HSD17B12: variants seen among roughly 807,000 people sequenced by gnomAD.
HSD17B12 encodes hydroxysteroid 17-beta dehydrogenase 12, also known as very-long-chain 3-oxoacyl-CoA reductase.
HSD17B12 carries 32 observed loss-of-function variants against 39.3 expected under a neutral mutation model. The observed-to-expected ratio is 0.81, with a 90% CI of 0.61 to 1.09. The LOEUF is 1.09. Among genes scored for constraint, HSD17B12 ranks in the 50% least tolerant of loss-of-function variants. The pLI is 0.00. For missense variants in HSD17B12, 342 were observed against 382.9 expected (o/e 0.89, Z 0.89); for synonymous variants, 150 against 146.7 (o/e 1.02, Z -0.16).
the HSD17B12 span, among the ~76,000 whole-genome samples, chr11:43,587,648 A>C: frequency 6.6e-6 from 1 of 152,260 alleles, no homozygotes; most frequent in African/African-American, 2.4e-5. Context: ...CTGAGGACAG[A>C]AACAGATGAG....
chr11:43,695,467 A>G (rs572533171), intron 1 of HSD17B12, among the ~76,000 whole-genome samples: 63 of 152,254 alleles, frequency 4.1e-4, no homozygotes, highest in African/African-American at 1.4e-3. Flanking sequence ...AATCCCAGCT[A>G]CTTGGGAGGC....
chr11:43,563,175 G>C, the HSD17B12 span, among the ~76,000 whole-genome samples: 3 of 152,076 alleles, frequency 2.0e-5, no homozygotes, highest in African/African-American at 7.2e-5. Flanking sequence ...AACTCAACAC[G>C]AACTTCTGTA....
intron 1 of HSD17B12, among the ~76,000 whole-genome samples, chr11:43,712,949 A>G (rs1950083165): frequency 6.6e-6 from 1 of 152,226 alleles, no homozygotes; most frequent in Non-Finnish European, 1.5e-5. Flanking sequence ...TTTGTTTAAC[A>G]TTTCTTCAGA....
chr11:43,830,942 G>T, intron 6 of HSD17B12, 34 bp from the exon 7 acceptor site: 1 of 1,591,002 alleles, frequency 6.3e-7, no homozygotes, highest in Non-Finnish European at 8.6e-7. Context: ...CTGCATCCTT[G>T]GCCATCATGA....
chr11:43,649,693 G>A, the HSD17B12 span, among the ~76,000 whole-genome samples: 8 of 152,330 alleles, frequency 5.3e-5, no homozygotes, highest in South Asian at 1.7e-3. Flanking sequence ...ATCAGAAGGT[G>A]GAGTCTTTTC....
chr11:43,784,632 G>A (rs1489341803), intron 3 of HSD17B12, among the ~76,000 whole-genome samples: 1 of 152,042 alleles, frequency 6.6e-6, no homozygotes, highest in East Asian at 1.9e-4. Flanking sequence ...GAACCAGGGT[G>A]GCAACAAAAC....
At chr11:43,732,105 CA>C (rs1212831733) in intron 1 of HSD17B12, among the ~76,000 whole-genome samples, 2 of 152,096 alleles carry the variant, frequency 1.3e-5, no homozygotes, top group African/African-American at 4.8e-5. Flanking sequence ...TGGTTACCTC[CA>C]TGCTGTTCTC....
the HSD17B12 span, among the ~76,000 whole-genome samples, chr11:43,624,419 T>C: frequency 2.6e-5 from 4 of 151,924 alleles, no homozygotes; most frequent in Non-Finnish European, 2.9e-5. Context: ...TCAGATGAGA[T>C]GGCAAGATTT....
chr11:43,805,656 A>G (rs998780895), intron 4 of HSD17B12, among the ~76,000 whole-genome samples: 2 of 152,170 alleles, frequency 1.3e-5, no homozygotes, highest in African/African-American at 4.8e-5. Context: ...GTTTGGGAAA[A>G]GGGCAGGATA....
the HSD17B12 span, among the ~76,000 whole-genome samples, chr11:43,562,220 T>A: frequency 6.7e-4 from 102 of 152,354 alleles, no homozygotes; most frequent in African/African-American, 2.4e-3. Context: ...ATATTAAAAA[T>A]TTTTTTAAAT....
At chr11:43,569,553 T>C in the HSD17B12 span, 1 of 152,184 alleles carries the variant, frequency 6.6e-6, no homozygotes, top group African/African-American at 2.4e-5. Context: ...TTGGAGTATA[T>C]TCATATTTGG....
rs760181728 is a variant in HSD17B12, at chr11:43,831,037, C to T, written c.536+27C>T. 7 of 1,593,488 alleles carry T rather than the reference C, an allele frequency of 4.4e-6. No individual in the cohort carries two copies. The highest frequency in any genetic ancestry group is 6.0e-6 in the Non-Finnish European group (7 of 1,167,856). On this transcript the variant is annotated intron_variant, in intron 7 of 10. Transcript: ENST00000278353. The surrounding 1 kb of genome is among the most constrained non-coding windows in gnomAD (Gnocchi z 4.1). ...TGAGTCACAAGCTCACATACAAACA[C>T]TGTGGAAGCAGAGCTCATGATTATT...
chr11:43,786,875 A>G (rs530612962), intron 3 of HSD17B12, among the ~76,000 whole-genome samples: 4 of 152,314 alleles, frequency 2.6e-5, no homozygotes, highest in African/African-American at 9.6e-5. Context: ...TGTTGGTAGA[A>G]TATTAACTAT....
the HSD17B12 span, among the ~76,000 whole-genome samples, chr11:43,626,525 C>T: frequency 6.6e-6 from 1 of 151,590 alleles, no homozygotes; most frequent in Non-Finnish European, 1.5e-5. Context: ...TAGCAAGAAA[C>T]AGAAACTATA....
intron 3 of HSD17B12, among the ~76,000 whole-genome samples, chr11:43,758,765 C>T (rs1418238648): frequency 1.3e-5 from 2 of 152,158 alleles, no homozygotes; most frequent in East Asian, 3.9e-4. Flanking sequence ...TCAAATGTAG[C>T]CACCATTTGG....
chr11:43,840,355 C>T (rs965413757), intron 9 of HSD17B12, among the ~76,000 whole-genome samples: 1 of 152,002 alleles, frequency 6.6e-6, no homozygotes, highest in East Asian at 1.9e-4. Flanking sequence ...CCGAGACTAT[C>T]GGCATCTCTC....
intron 3 of HSD17B12, among the ~76,000 whole-genome samples, chr11:43,756,126 G>T (rs1291253539): frequency 6.6e-6 from 1 of 152,128 alleles, no homozygotes; most frequent in Non-Finnish European, 1.5e-5. Context: ...GGAATTATGG[G>T]AGATGCAATT....
chr11:43,581,166 G>A, the HSD17B12 span, among the ~76,000 whole-genome samples: 2 of 152,050 alleles, frequency 1.3e-5, no homozygotes, highest in African/African-American at 4.8e-5. This position sits in a 1 kb window ranked among gnomAD's most constrained non-coding sequence, Gnocchi z 4.9. Flanking sequence ...GCCCCTCTGC[G>A]GTCCCCTTCT....
chr11:43,568,863 G>A, the HSD17B12 span, among the ~76,000 whole-genome samples: 2 of 152,162 alleles, frequency 1.3e-5, no homozygotes, highest in African/African-American at 4.8e-5. Flanking sequence ...GAGTCTCTCT[G>A]TTTTGGGCTA....
Sources: gnomAD v4.1 joint callset for allele counts (sites outside exome capture counted in the v4.1 genomes callset) on GRCh38, gnomAD v4.1.1 for gene constraint, Gnocchi (gnomAD v3.1) non-coding constraint, MANE v1.5 for transcripts, NCBI Gene and HGNC (gene_info 2026-07-23, HGNC 2026-07-21) for gene names.